Variants in OR4A15 observed in about 807,000 individuals in gnomAD.
The protein encoded by OR4A15 is olfactory receptor family 4 subfamily A member 15.
For synonymous variants in OR4A15, 240 were observed against 135.6 expected, an observed-to-expected ratio of 1.77 and a Z score of -5.35; for missense variants, 657 against 374.7, an observed-to-expected ratio of 1.75 and a Z score of -6.22.
At chr11:55,368,009 C>T (rs768632199) in exon 1 of OR4A15, 58 of 1,613,376 alleles carry the variant, frequency 3.6e-5, no homozygotes, top group East Asian at 3.4e-4. Context: ...AATTTATCCT[C>T]TTAGGGCTCA....
rs766397076 is a variant in OR4A15, at chr11:55,368,133, G to A, written c.160G>A (p.Gly54Ser). 6.2e-6 allele frequency: 10 copies of A among 1,612,694 alleles called. No homozygotes were observed. The East Asian group carries it at 1.3e-4, about 22-fold the overall frequency. ...GACCATCATGGCCAGCCAGTCCCTG[G>A]GTTCCCCCATGTACTTTTTTCTGGC... Residue 54 changes from glycine to serine, a missense_variant, in exon 1 of 1, where the codon GGT becomes AGT. By Grantham distance (56) the Gly-to-Ser change is moderately conservative (BLOSUM62 0). Transcript: ENST00000641526.
rs1182791821 is a variant in OR4A15, at chr11:55,368,777, C to T, written c.804C>T (p.Ser268=). ...ATTCTACTTTTCCCATTGATAAATC[C>T]ATGACTGTAGTTCTAACTTTTATAA... The change falls in exon 1 of 1, where the codon TCC becomes TCT. Residue 268 remains serine (S), a synonymous_variant. Coordinates refer to ENST00000641526, the Ensembl canonical transcript of OR4A15. 5 of 1,613,652 alleles carry T rather than the reference C, an allele frequency of 3.1e-6. No homozygotes were observed. In the East Asian group the frequency reaches 6.7e-5, roughly 22 times the overall value.
exon 1 of OR4A15, chr11:55,368,210 G>T: frequency 1.2e-6 from 2 of 1,613,446 alleles, no homozygotes; most frequent in Non-Finnish European, 1.7e-6. Context: ...CTCCCAAAAT[G>T]ATTGTTGACT....
exon 1 of OR4A15, chr11:55,368,863 G>A (rs1268047674): frequency 2.4e-5 from 38 of 1,610,634 alleles, no homozygotes; most frequent in Non-Finnish European, 3.1e-5. Context: ...AGTGCCATGA[G>A]GAAACTTTGG....
At chr11:55,367,981 A>T (rs1201262036) in exon 1 of OR4A15, 4 of 1,613,398 alleles carry the variant, frequency 2.5e-6, no homozygotes, top group East Asian at 2.2e-5. Context: ...CACATGAAAA[A>T]TAAGAACAAT....
At chr11:55,368,114 C>T (rs377665149) in exon 1 of OR4A15, 1 of 1,612,916 alleles carries the variant, frequency 6.2e-7, no homozygotes, top group Admixed American at 1.7e-5. Flanking sequence ...TAGTGACCAT[C>T]ATGGCCAGCC....
exon 1 of OR4A15, chr11:55,368,627 C>G (rs1423857348): frequency 6.2e-7 from 1 of 1,613,732 alleles, no homozygotes; most frequent in East Asian, 2.2e-5. Flanking sequence ...CCTATGGGGT[C>G]ATATTACACT....
chr11:55,368,057 A>G (rs372604598), exon 1 of OR4A15: 1 of 1,613,592 alleles, frequency 6.2e-7, no homozygotes, highest in South Asian at 1.1e-5. Flanking sequence ...TATTTGTCAC[A>G]TTCTTACTAA....
chr11:55,368,741 T>C (rs767789388), exon 1 of OR4A15: 3 of 1,613,822 alleles, frequency 1.9e-6, no homozygotes, highest in Non-Finnish European at 2.5e-6. Context: ...TCTTCTTGTA[T>C]GCAAGGCCCA....
exon 1 of OR4A15, chr11:55,368,647 C>G (rs754782205): frequency 3.7e-6 from 6 of 1,613,632 alleles, no homozygotes; most frequent in Non-Finnish European, 5.1e-6. Flanking sequence ...TCTCTTAAGA[C>G]TCAGAGTTTG....
chr11:55,368,641 T>G, exon 1 of OR4A15: 1 of 1,613,786 alleles, frequency 6.2e-7, no homozygotes, highest in Non-Finnish European at 8.5e-7. Flanking sequence ...TTACACTCTC[T>G]TAAGACTCAG....
exon 1 of OR4A15, chr11:55,368,602 T>A (rs1853889089): frequency 1.2e-6 from 2 of 1,613,630 alleles, no homozygotes; most frequent in Admixed American, 3.3e-5. Context: ...GTCACCTTCT[T>A]CACTATCCTG....
chr11:55,368,738 G>A (rs140315038), exon 1 of OR4A15: 2 of 1,613,710 alleles, frequency 1.2e-6, no homozygotes, highest in Admixed American at 1.7e-5. Flanking sequence ...GTATCTTCTT[G>A]TATGCAAGGC....
chr11:55,368,331 C>A lies in OR4A15; in HGVS notation c.358C>A (p.Arg120=), dbSNP rs150217199. Residue 120 remains arginine, a synonymous_variant, in exon 1 of 1, where the codon CGA becomes AGA. Coordinates refer to ENST00000641526, the Ensembl canonical transcript of OR4A15. ...TCTTCTGGTGGTAATGGCCTATGAT[C>A]GATACATGGCCATCTGTAAGCCTCT... 240 of 1,613,040 alleles carry A rather than the reference C, an allele frequency of 1.5e-4. 3 individuals are homozygous for A. The South Asian group carries it at 2.6e-3, about 17-fold the overall frequency.
At chr11:55,368,857 C>A (rs149238692) in exon 1 of OR4A15, 1 of 1,611,132 alleles carries the variant, frequency 6.2e-7, no homozygotes, top group Non-Finnish European at 8.5e-7. Flanking sequence ...ATGAAAAGTG[C>A]CATGAGGAAA....
At chr11:55,368,140 C>A in exon 1 of OR4A15, 2 of 1,612,800 alleles carry the variant, frequency 1.2e-6, no homozygotes, top group East Asian at 2.2e-5. Context: ...CTGGGTTCCC[C>A]CATGTACTTT....
At chr11:55,368,766 A>G in exon 1 of OR4A15, 1 of 1,613,736 alleles carries the variant, frequency 6.2e-7, no homozygotes, top group East Asian at 2.2e-5. Context: ...TACTTTTCCC[A>G]TTGATAAATC....
exon 1 of OR4A15, chr11:55,368,219 C>G: frequency 1.2e-6 from 2 of 1,613,730 alleles, no homozygotes; most frequent in African/African-American, 2.7e-5. Context: ...TGATTGTTGA[C>G]TTGCTCTCTG....
chr11:55,368,042 G>T, exon 1 of OR4A15: 2 of 1,613,560 alleles, frequency 1.2e-6, no homozygotes, highest in Non-Finnish European at 1.7e-6. Context: ...AGGGGCAAAA[G>T]GTTTTATTTG....
Sources: gnomAD v4.1 joint callset for allele counts on GRCh38, gnomAD v4.1.1 for gene constraint, MANE v1.5 for transcripts, NCBI Gene and HGNC (gene_info 2026-07-23, HGNC 2026-07-21) for gene names.